The following MOB3B variants were observed in gnomAD, a reference collection of about 807,000 sequenced individuals.
MOB3B encodes MOB kinase activator-like 2B.
MOB3B carries 7 observed loss-of-function variants against 18.7 expected under a neutral mutation model. That is an observed-to-expected ratio of 0.37 (90% CI 0.21 to 0.70). The LOEUF is 0.70. Among genes scored for constraint, MOB3B ranks in the 30% least tolerant of loss-of-function variants. The probability of loss-of-function intolerance (pLI) is 0.52; values close to 1 mark genes in which losing one functional copy is unlikely to be tolerated. For missense variants in MOB3B, 253 were observed against 281.3 expected, an observed-to-expected ratio of 0.90 and a Z score of 0.72; for synonymous variants, 111 against 99.9, an observed-to-expected ratio of 1.11 and a Z score of -0.66.
intron 1 of MOB3B, among the ~76,000 whole-genome samples, chr9:27,503,219 G>T (rs1820014063): frequency 6.6e-6 from 1 of 152,096 alleles, no homozygotes; most frequent in African/African-American, 2.4e-5. Flanking sequence ...ACTGGGAGTT[G>T]AAAAAATTTC....
intron 1 of MOB3B, among the ~76,000 whole-genome samples, chr9:27,470,124 A>AAAAAG (rs1457479518): frequency 1.8e-4 from 27 of 150,698 alleles, no homozygotes; most frequent in South Asian, 1.5e-3. Context: ...GAAAAAAAAA[A>AAAAAG]AAAAGAAAAG....
chr9:27,464,704 T>C (rs12339252), intron 1 of MOB3B, among the ~76,000 whole-genome samples: 10,511 of 152,198 alleles, frequency 0.069, 401 homozygotes, highest in Non-Finnish European at 0.088. Context: ...AGAGGTTTAA[T>C]TGGACTTACA....
In MOB3B at chr9:27,459,011, G is replaced by GCC. The variant is rs34345892; in HGVS notation, c.-198-3265_-198-3264dup. On this transcript the variant is annotated intron_variant, in intron 1 of 3. Coordinates refer to ENST00000262244, the MANE Select transcript of MOB3B (RefSeq NM_024761.5). ...AAGAAGAAATAGGTTGATCAGGTAG[G>GCC]CCCCCCCCCATGTTTAAAGACAATG... is the stretch of plus-strand genomic sequence containing the variant. Among the ~76,000 whole-genome samples the GCC allele has an allele frequency of 7.5e-3, 1,131 of 150,342 alleles. 5 individuals carry two copies. Among genetic ancestry groups the GCC allele is most frequent in the Middle Eastern group, 0.014 (4 of 292 alleles).
At chr9:27,412,675 A>T (rs900652501) in intron 2 of MOB3B, among the ~76,000 whole-genome samples, 1 of 152,246 alleles carries the variant, frequency 6.6e-6, no homozygotes, top group Non-Finnish European at 1.5e-5. Context: ...ATTTCTAGTT[A>T]GGAAGAGAAA....
intron 1 of MOB3B, among the ~76,000 whole-genome samples, chr9:27,496,402 T>C (rs1267152919): frequency 6.6e-6 from 1 of 152,236 alleles, no homozygotes; most frequent in Non-Finnish European, 1.5e-5. Flanking sequence ...CTGATCAGAC[T>C]CTCAGGTTAT....
intron 1 of MOB3B, among the ~76,000 whole-genome samples, chr9:27,509,969 C>T (rs1393566454): frequency 3.9e-5 from 6 of 152,232 alleles, no homozygotes; most frequent in Non-Finnish European, 7.3e-5. Context: ...AGATGATCCA[C>T]CCACCTCGCT....
At chr9:27,502,174 T>C (rs79390273) in intron 1 of MOB3B, among the ~76,000 whole-genome samples, 1,740 of 152,300 alleles carry the variant, frequency 0.011, 37 homozygotes, top group African/African-American at 0.039. Context: ...TCACTGCCTG[T>C]TTTCAGATCA....
In MOB3B at chr9:27,330,536, G is replaced by A. The variant is rs1317154088; in HGVS notation, c.*51C>T. 1 of 1,612,864 alleles carries A rather than the reference G, an allele frequency of 6.2e-7. No individual in the cohort carries two copies. Among genetic ancestry groups the A allele is most frequent in the African/African-American group, 1.3e-5 (1 of 74,920 alleles). On this transcript the variant is annotated 3_prime_UTR_variant, in exon 4 of 4. Transcript: ENST00000262244. ...GGGTGGTCCACCTCCTGCCCGCTCA[G>A]GGCACCAGGAGGAAACAGCTTTCCT...
At chr9:27,462,880 T>G (rs545149788) in intron 1 of MOB3B, among the ~76,000 whole-genome samples, 1 of 152,202 alleles carries the variant, frequency 6.6e-6, no homozygotes, top group South Asian at 2.1e-4. Flanking sequence ...GCAAGAAGAC[T>G]GGAAATTCGA....
At chr9:27,446,802 G>A (rs1822697919) in intron 2 of MOB3B, among the ~76,000 whole-genome samples, 1 of 152,158 alleles carries the variant, frequency 6.6e-6, no homozygotes, top group South Asian at 2.1e-4. Flanking sequence ...CAGGCTCAGA[G>A]AGACTAAAAT....
chr9:27,504,638 A>G (rs17769116), intron 1 of MOB3B, among the ~76,000 whole-genome samples: 4,819 of 152,314 alleles, frequency 0.032, 103 homozygotes, highest in Middle Eastern at 0.065. Flanking sequence ...CTTGACTATC[A>G]GAGTCCTGAA....
chr9:27,371,030 T>C (rs1821408387), intron 2 of MOB3B, among the ~76,000 whole-genome samples: 1 of 152,226 alleles, frequency 6.6e-6, no homozygotes, highest in South Asian at 2.1e-4. Flanking sequence ...TTTTTACTGA[T>C]ACCGAGGAAG....
chr9:27,332,760 T>C (rs910335898), intron 3 of MOB3B, among the ~76,000 whole-genome samples: 2 of 152,240 alleles, frequency 1.3e-5, no homozygotes, highest in African/African-American at 4.8e-5. Flanking sequence ...TCTACTGTAT[T>C]GATGAGGAAA....
chr9:27,390,369 T>G (rs1821710447), intron 2 of MOB3B, among the ~76,000 whole-genome samples: 2 of 152,314 alleles, frequency 1.3e-5, no homozygotes, highest in South Asian at 2.1e-4. Context: ...CTGTGGCTAA[T>G]TTTTGTATTT....
At chr9:27,383,362 C>T (rs1011743320) in intron 2 of MOB3B, among the ~76,000 whole-genome samples, 7 of 152,150 alleles carry the variant, frequency 4.6e-5, no homozygotes, top group Non-Finnish European at 1.0e-4. Flanking sequence ...TCATTTCTGC[C>T]TTTATGAAGT....
Position 27,330,285 on chromosome 9 carries a change from A to C in MOB3B, c.*302T>G. ...GCTTAGGCGGCAGGTCACAGGCAGAACTGTGCCATGTGTGGAAGTGCAGAG... is the reference window on the plus strand; with the variant it reads ...GCTTAGGCGGCAGGTCACAGGCAGACCTGTGCCATGTGTGGAAGTGCAGAG... On this transcript the variant is annotated 3_prime_UTR_variant, in exon 4 of 4. Transcript: ENST00000262244. 3.3e-6 allele frequency: 1 copy of C among 298,976 alleles called. No individual in the cohort carries two copies. Among genetic ancestry groups the C allele is most frequent in the Non-Finnish European group, 6.2e-6 (1 of 161,784 alleles). The allele number at this position is 298,976 out of a possible 1,614,324, so 18.5% of individuals were successfully genotyped here.
rs113122156 is a variant in MOB3B at position 27,412,181 on chromosome 9, GA to G, written c.418+42951del. Reference sequence around the variant, plus strand: ...TTTTCTAGAAATCTACCCTTATGACGAAAAAAAAAAAAAAGTAAAAATAAGA... The same window carrying G: ...TTTTCTAGAAATCTACCCTTATGACGAAAAAAAAAAAAAGTAAAAATAAGA... On this transcript the variant is annotated intron_variant, in intron 2 of 3. Coordinates refer to ENST00000262244, the MANE Select transcript of MOB3B (RefSeq NM_024761.5). Among the ~76,000 whole-genome samples, 1,216 of 131,950 alleles carry G rather than the reference GA, an allele frequency of 9.2e-3. 23 individuals carry two copies. Among genetic ancestry groups the G allele is most frequent in the African/African-American group, 0.028 (1,007 of 35,542 alleles). The allele number at this position is 131,950 out of a possible 152,430, so 86.6% of individuals were successfully genotyped here. A position where few individuals can be genotyped will look rare whatever the true frequency, so the allele number is the denominator to read the frequency against.
chr9:27,459,020 C>T (rs1051482532), intron 1 of MOB3B, among the ~76,000 whole-genome samples: 1 of 151,040 alleles, frequency 6.6e-6, no homozygotes, highest in Admixed American at 6.6e-5. Flanking sequence ...GGCCCCCCCC[C>T]ATGTTTAAAG....
chr9:27,436,895 G>C (rs1434822167), intron 2 of MOB3B, among the ~76,000 whole-genome samples: 1 of 151,490 alleles, frequency 6.6e-6, no homozygotes, highest in East Asian at 1.9e-4. Flanking sequence ...TATGAAGAAA[G>C]AGCAGCCAGC....
Sources: allele counts gnomAD v4.1 joint callset (sites outside exome capture counted in the v4.1 genomes callset), GRCh38; gene constraint gnomAD v4.1.1; transcripts MANE v1.5; gene names NCBI Gene and HGNC (gene_info 2026-07-23, HGNC 2026-07-21).